Variants in FAM135B observed in about 807,000 individuals in gnomAD.
FAM135B encodes protein FAM135B.
FAM135B carries 43 observed loss-of-function variants against 127.7 expected under a neutral mutation model. The observed-to-expected ratio is 0.34, with a 90% CI of 0.26 to 0.43. FAM135B has a LOEUF of 0.43. Ranked by LOEUF, FAM135B falls within the 20% of genes least tolerant of loss-of-function variation. The pLI, the probability that FAM135B is intolerant of heterozygous loss-of-function variation, is 1.00. For synonymous variants in FAM135B, 670 were observed against 665.1 expected, an observed-to-expected ratio of 1.01 and a Z score of -0.11; for missense variants, 1,558 against 1,725.6, an observed-to-expected ratio of 0.90 and a Z score of 1.72.
chr8:138,489,591 C>G (rs1008607230), intron 1 of FAM135B, among the ~76,000 whole-genome samples: 1 of 152,142 alleles, frequency 6.6e-6, no homozygotes, highest in Non-Finnish European at 1.5e-5. Context: ...AGTTTAAGAT[C>G]TTTCCACCCC....
intron 2 of FAM135B, among the ~76,000 whole-genome samples, chr8:138,312,138 G>A (rs1331364418): frequency 6.6e-6 from 1 of 151,946 alleles, no homozygotes; most frequent in Non-Finnish European, 1.5e-5. Flanking sequence ...GTAGAGACGG[G>A]GTTTCACCAT....
intron 11 of FAM135B, among the ~76,000 whole-genome samples, chr8:138,177,057 A>G (rs1249605135): frequency 1.3e-5 from 2 of 152,224 alleles, no homozygotes; most frequent in Non-Finnish European, 2.9e-5. Context: ...TTCATTTCGC[A>G]GAGGACTCAG....
At chr8:138,304,788 G>A (rs1212448638) in intron 3 of FAM135B, among the ~76,000 whole-genome samples, 2 of 152,202 alleles carry the variant, frequency 1.3e-5, no homozygotes, top group Non-Finnish European at 2.9e-5. Context: ...GGTCACCCAC[G>A]TCCCTGACAG....
chr8:138,240,113 A>C (rs1271024620), intron 7 of FAM135B, among the ~76,000 whole-genome samples: 2 of 152,180 alleles, frequency 1.3e-5, no homozygotes, highest in Admixed American at 6.5e-5. Flanking sequence ...AAACCTGCAC[A>C]TTGTGCACAT....
intron 7 of FAM135B, among the ~76,000 whole-genome samples, chr8:138,217,905 A>C (rs1818696672): frequency 1.3e-5 from 2 of 152,212 alleles, no homozygotes; most frequent in Non-Finnish European, 2.9e-5. Flanking sequence ...CATGGGATGA[A>C]GACAAGATAC....
chr8:138,176,968 A>G (rs964654400), intron 11 of FAM135B, among the ~76,000 whole-genome samples: 1 of 152,178 alleles, frequency 6.6e-6, no homozygotes, highest in African/African-American at 2.4e-5. Context: ...TGCTGAATGC[A>G]TTTCATAGCT....
chr8:138,186,555 T>C (rs1382807658), intron 9 of FAM135B, among the ~76,000 whole-genome samples: 1 of 152,100 alleles, frequency 6.6e-6, no homozygotes, highest in African/African-American at 2.4e-5. Flanking sequence ...GTTTCTTCCA[T>C]TGCAATGACC....
chr8:138,444,853 C>T (rs1375149437), intron 1 of FAM135B, among the ~76,000 whole-genome samples: 26 of 151,964 alleles, frequency 1.7e-4, no homozygotes, highest in African/African-American at 4.6e-4. Flanking sequence ...AAAAAATCAA[C>T]GAATCCAGGA....
At chr8:138,428,410 G>A (rs1012197237) in intron 1 of FAM135B, among the ~76,000 whole-genome samples, 1 of 152,046 alleles carries the variant, frequency 6.6e-6, no homozygotes, top group African/African-American at 2.4e-5. Flanking sequence ...AGCTGTCTCT[G>A]CTTGCAACAT....
At position 138,153,177 on chromosome 8, in the gene FAM135B, A is replaced by G. The variant is rs1051216593; in HGVS notation, c.1298T>C (p.Val433Ala). The change falls in exon 13 of 20, where the codon GTG (valine) becomes GCG (alanine). Residue 433 changes from valine to alanine, a missense_variant. By Grantham distance (64) the Val-to-Ala change is moderately conservative. This residue lies in a region of FAM135B where 923 missense variants were observed against 865.3 expected (regional missense o/e 1.07). Coordinates refer to ENST00000395297, the MANE Select transcript of FAM135B (RefSeq NM_015912.4). ...LSVYPNFDVP[V>A]TSPTIMNLKD... is the part of the protein sequence containing the mutation. The stretch of plus-strand genomic sequence containing the variant: ...CAGATTCATTATTGTAGGACTTGTC[A>G]CTGGAACATCAAAATTAGGATAAAC... 12 of 1,593,546 alleles carry G rather than the reference A, an allele frequency of 7.5e-6. No homozygotes were observed. Among genetic ancestry groups the G allele is most frequent in the Non-Finnish European group, 1.0e-5 (12 of 1,167,868 alleles).
intron 11 of FAM135B, among the ~76,000 whole-genome samples, chr8:138,170,397 T>G (rs1820326129): frequency 6.6e-6 from 1 of 151,978 alleles, no homozygotes; most frequent in Non-Finnish European, 1.5e-5. Context: ...TAATTTTGTA[T>G]TTTTAGTAGG....
intron 3 of FAM135B, among the ~76,000 whole-genome samples, chr8:138,289,923 G>A (rs142144612): frequency 2.1e-3 from 325 of 152,306 alleles, no homozygotes; most frequent in South Asian, 0.018. Flanking sequence ...AGTTGCCTGT[G>A]ACATGACAGA....
At chr8:138,170,217 C>CTTTTT (rs141401317) in intron 11 of FAM135B, among the ~76,000 whole-genome samples, 4 of 112,056 alleles carry the variant, frequency 3.6e-5, no homozygotes, top group Admixed American at 1.9e-4. Context: ...CTGTTACTAT[C>CTTTTT]TTTTTTTTTT....
intron 2 of FAM135B, among the ~76,000 whole-genome samples, chr8:138,333,909 T>A (rs2131009219): frequency 6.6e-6 from 1 of 152,172 alleles, no homozygotes; most frequent in Non-Finnish European, 1.5e-5. Flanking sequence ...GATCCTGACC[T>A]CCATGTCTCT....
At chr8:138,138,893 A>G in intron 18 of FAM135B, 93 bp downstream of exon 18, 1 of 843,166 alleles carries the variant, frequency 1.2e-6, no homozygotes, top group East Asian at 2.5e-5. Flanking sequence ...CCCTTCTGTG[A>G]GTGAATCAAT....
At chr8:138,230,367 CA>C (rs1411784479) in intron 7 of FAM135B, among the ~76,000 whole-genome samples, 2 of 152,166 alleles carry the variant, frequency 1.3e-5, no homozygotes, top group Non-Finnish European at 2.9e-5. Flanking sequence ...TTACGTCCAA[CA>C]ACCTAAGACC....
At chr8:138,447,671 G>A (rs1175529455) in intron 1 of FAM135B, among the ~76,000 whole-genome samples, 2 of 147,710 alleles carry the variant, frequency 1.4e-5, no homozygotes, top group African/African-American at 2.5e-5. Flanking sequence ...GGGATTGGGG[G>A]ATGGGAGGGA....
In FAM135B at chr8:138,139,077, T is replaced by C. The variant is rs372371106; in HGVS notation, c.3810A>G (p.Lys1270=). ...LVSTGLWLMQ[K]LKKSGSLLQL... The stretch of plus-strand genomic sequence containing the variant: ...GCAGTAGAGACCCGGATTTCTTCAG[T>C]TTCTGCATGAGCCATAAGCCTAGGA... The change falls in exon 18 of 20, where the codon AAA becomes AAG. Residue 1270 remains lysine (K), a synonymous_variant. Transcript: ENST00000395297. The C allele has an allele frequency of 1.7e-5, 28 of 1,612,332 alleles. No homozygotes were observed. The highest frequency in any genetic ancestry group is 2.2e-5 in the South Asian group (2 of 91,050).
At chr8:138,259,210 G>A (rs755950748) in intron 4 of FAM135B, among the ~76,000 whole-genome samples, 5 of 152,074 alleles carry the variant, frequency 3.3e-5, no homozygotes, top group South Asian at 2.1e-4. Flanking sequence ...TAGATTGGAC[G>A]TTCTCTCACT....
Sources: allele counts gnomAD v4.1 joint callset (sites outside exome capture counted in the v4.1 genomes callset), GRCh38; gene constraint gnomAD v4.1.1; regional missense constraint gnomAD v4.1.1; transcripts MANE v1.5; gene names NCBI Gene and HGNC (gene_info 2026-07-23, HGNC 2026-07-21).